Variants in SHANK1 observed in about 807,000 individuals in gnomAD.
SHANK1 encodes the protein SH3 and multiple ankyrin repeat domains 1.
SHANK1 carries 35 observed loss-of-function variants against 165.6 expected under a neutral mutation model. The observed-to-expected ratio is 0.21, with a 90% CI of 0.16 to 0.28. The LOEUF (loss-of-function observed/expected upper bound fraction) is 0.28, where lower values mean the gene tolerates loss of function less well. Among genes scored for constraint, SHANK1 ranks in the 10% least tolerant of loss-of-function variants. SHANK1 has a pLI of 1.00. For synonymous variants in SHANK1, 1,428 were observed against 1,384.8 expected (o/e 1.03, Z -0.69); for missense variants, 2,681 against 3,036.4 (o/e 0.88, Z 2.75).
rs1985258952 is a variant in SHANK1 at position 50,662,166 on chromosome 19, C to T, written c.6285G>A (p.Leu2095=). 2 of 1,612,360 alleles carry T rather than the reference C, an allele frequency of 1.2e-6. No homozygotes were observed. Residue 2095 remains leucine, a synonymous_variant, in exon 24 of 24, where the codon CTG becomes CTA. Transcript: ENST00000293441. The surrounding 1 kb of genome is among the most constrained non-coding windows in gnomAD (Gnocchi z 7.7). The stretch of plus-strand genomic sequence containing the variant: ...CCACGTCGAACTTGGTCCAGAACCC[C>T]AGAGGTTTAGCGCCAAACGGCTTGT... ...PPDKPFGAKP[L]GFWTKFDVAD... is the part of the protein sequence containing the mutation.
chr19:50,712,122 C>T lies in SHANK1; in HGVS notation c.793-8G>A, dbSNP rs116024680. On this transcript the variant is annotated splice_polypyrimidine_tract_variant and splice_region_variant and intron_variant, in intron 6 of 23. Coordinates refer to ENST00000293441, the MANE Select transcript of SHANK1 (RefSeq NM_016148.5). ...CCCAAGGTCCAGGAGCGCCTAGGAA[C>T]GGAGAGAGAACCCAGTAGAAAAACA... is the stretch of plus-strand genomic sequence containing the variant. 2.9e-3 allele frequency: 4,535 copies of T among 1,571,668 alleles called. 112 individuals are homozygous for T. In the African/African-American group the frequency reaches 0.051, roughly 18 times the overall value.
intron 18 of SHANK1, 108 bp from the exon 19 acceptor site, chr19:50,687,770 G>A (rs963299096): frequency 5.2e-5 from 71 of 1,358,716 alleles, no homozygotes; most frequent in Admixed American, 1.8e-4. Flanking sequence ...GCCAGCGTGC[G>A]GAGCCCTCCC....
rs1195660197 is a variant in SHANK1 at position 50,702,625 on chromosome 19, C to T, written c.1589G>A (p.Gly530Asp). The stretch of plus-strand genomic sequence containing the variant: ...CCCGGGGCCCCCTGAGCCCCCCGTG[C>T]CCCCGGCTGGCCCTTCCCGGGGTGT... ...SGTPREGPAG[G>D]TGGSGGPGGS... Residue 530 changes from glycine (G) to aspartate (D), a missense_variant, in exon 12 of 24, where the codon GGC becomes GAC. Transcript: ENST00000293441. The surrounding 1 kb of genome is among the most constrained non-coding windows in gnomAD (Gnocchi z 5.3). The T allele has an allele frequency of 9.5e-6, 15 of 1,584,344 alleles. No individual in the cohort carries two copies. The highest frequency in any genetic ancestry group is 1.3e-5 in the African/African-American group (1 of 74,326).
In SHANK1 at chr19:50,669,029, G is replaced by A; in HGVS notation, c.2931C>T (p.Asp977=). ...PASFDGPSPP[D]TRVGSREKSL... is the part of the protein sequence containing the mutation. ...TCTTCTCGCGGCTCCCCACGCGAGT[G>A]TCGGGAGGGGAGGGCCCGTCAAAGG... The change falls in exon 23 of 24, where the codon GAC becomes GAT. Residue 977 remains aspartate (D), a synonymous_variant. Transcript: ENST00000293441. 1 of 858,592 alleles carries A rather than the reference G, an allele frequency of 1.2e-6. No homozygotes were observed. The highest frequency in any genetic ancestry group is 1.8e-5 in the South Asian group (1 of 56,652). The allele number at this position is 858,592 out of a possible 1,614,324, so 53.2% of individuals were successfully genotyped here. A position where few individuals can be genotyped will look rare whatever the true frequency, so the allele number is the denominator to read the frequency against.
chr19:50,663,340 G>A (rs73042563), intron 23 of SHANK1, among the ~76,000 whole-genome samples: 39 of 152,064 alleles, frequency 2.6e-4, no homozygotes, highest in Non-Finnish European at 3.8e-4. Context: ...GGGAGAAAAA[G>A]GTTCCCCTCA....
rs543298676 is a variant in SHANK1 at position 50,716,606 on chromosome 19, C to T, written c.255+59G>A. The T allele has an allele frequency of 2.6e-5, 41 of 1,553,382 alleles. No homozygotes were observed. In the East Asian group the frequency reaches 7.7e-4, roughly 29 times the overall value. The stretch of plus-strand genomic sequence containing the variant: ...GGAGGATACCCAGCACCAGTGGACT[C>T]CCCATGTCGGTTGGGGCACTGTCCC... On this transcript the variant is annotated intron_variant, in intron 2 of 23. Coordinates refer to ENST00000293441, the MANE Select transcript of SHANK1 (RefSeq NM_016148.5). This position sits in a 1 kb window ranked among gnomAD's most constrained non-coding sequence, Gnocchi z 8.4.
At position 50,661,736 on chromosome 19, in the gene SHANK1, G is replaced by C; in HGVS notation, c.*229C>G. 270 of 373,790 alleles carry C rather than the reference G, an allele frequency of 7.2e-4. No homozygotes were observed. Among genetic ancestry groups the C allele is most frequent in the South Asian group, 2.7e-3 (65 of 23,914 alleles). 23.2% of individuals were successfully genotyped at this position (373,790 alleles called of 1,614,324 possible). Reference sequence around the variant, plus strand: ...TTCTCCTATCCCCCCTCCGCTCCCCGCTTCACACACACACACACACTCTTG... The same window carrying C: ...TTCTCCTATCCCCCCTCCGCTCCCCCCTTCACACACACACACACACTCTTG... On this transcript the variant is annotated 3_prime_UTR_variant, in exon 24 of 24. Coordinates refer to ENST00000293441, the MANE Select transcript of SHANK1 (RefSeq NM_016148.5).
rs554790979 is a variant in SHANK1 at position 50,686,848 on chromosome 19, C to T, written c.2390-36G>A. 297 of 1,611,310 alleles carry T rather than the reference C, an allele frequency of 1.8e-4. 4 individuals are homozygous for T. The South Asian group carries it at 2.9e-3, about 16-fold the overall frequency. ...AGAACACGGATGACGCCCAGGGAGC[C>T]CCCGGGGGCGGGGCGGAGCGGGCTC... On this transcript the variant is annotated intron_variant, in intron 19 of 23. Coordinates refer to ENST00000293441, the MANE Select transcript of SHANK1 (RefSeq NM_016148.5). The surrounding 1 kb of genome is among the most constrained non-coding windows in gnomAD (Gnocchi z 5.7).
intron 21 of SHANK1, among the ~76,000 whole-genome samples, chr19:50,672,908 C>G (rs1272249547): frequency 1.3e-5 from 2 of 152,186 alleles, no homozygotes; most frequent in African/African-American, 2.4e-5. Context: ...ACTCCCAACT[C>G]TGGTCTACAA....
intron 22 of SHANK1, 39 bp from the exon 23 acceptor site, chr19:50,669,324 G>T (rs768392485): frequency 1.4e-5 from 19 of 1,392,046 alleles, no homozygotes; most frequent in Non-Finnish European, 1.8e-5. Flanking sequence ...GGACCCTGGC[G>T]GGGAGGGTCT....
Position 50,688,904 on chromosome 19 carries a change from C to T in SHANK1, c.2112G>A (p.Ser704=), listed in dbSNP as rs144053654. 68 of 1,583,098 alleles carry T rather than the reference C, an allele frequency of 4.3e-5. 1 individual carries two copies. The East Asian group carries it at 5.6e-4, about 13-fold the overall frequency. The part of the protein sequence containing the change: ...PAFPALQYLE[S]VDEGGVAWRA... The stretch of plus-strand genomic sequence containing the variant: ...GCCATGCCACGCCACCCTCGTCCAC[C>T]GACTCCAGGTACTGCAGCGCCGGGA... The change falls in exon 17 of 24, where the codon TCG becomes TCA. Residue 704 remains serine, a synonymous_variant. Transcript: ENST00000293441. The surrounding 1 kb of genome is among the most constrained non-coding windows in gnomAD (Gnocchi z 6.7).
intron 21 of SHANK1, among the ~76,000 whole-genome samples, chr19:50,677,002 T>C (rs1986004421): frequency 6.6e-6 from 1 of 152,148 alleles, no homozygotes; most frequent in Admixed American, 6.5e-5. Flanking sequence ...CCAGCAGCAA[T>C]TTTGGACTAT....
In SHANK1 at chr19:50,668,905, G is replaced by A. The variant is rs1365800626; in HGVS notation, c.3055C>T (p.His1019Tyr). The A allele has an allele frequency of 3.1e-6, 4 of 1,293,410 alleles. No homozygotes were observed. The African/African-American group carries it at 4.9e-5, about 16-fold the overall frequency. 80.1% of individuals were successfully genotyped at this position (1,293,410 alleles called of 1,614,324 possible). Residue 1019 changes from histidine (H) to tyrosine (Y), a missense_variant, in exon 23 of 24, where the codon CAC (histidine) becomes TAC (tyrosine). By Grantham distance (83) the His-to-Tyr change is moderately conservative. Around this residue, in one of 10 missense-constraint regions of SHANK1, gnomAD observed 1,713 missense variants for 1,630.2 expected, o/e 1.05. Transcript: ENST00000293441. ...PPPQPHHHHA[H>Y]PPHPPEMETG... The stretch of plus-strand genomic sequence containing the variant: ...TCCATCTCGGGAGGATGAGGGGGGT[G>A]GGCGTGGTGGTGGTGGGGCTGAGGG...
intron 15 of SHANK1, among the ~76,000 whole-genome samples, chr19:50,689,758 CA>C (rs1287401814): frequency 2.0e-5 from 3 of 152,160 alleles, no homozygotes; most frequent in African/African-American, 7.2e-5. Flanking sequence ...TAGTATTTCG[CA>C]CAGTGCCTGG....
intron 4 of SHANK1, among the ~76,000 whole-genome samples, chr19:50,715,186 G>A (rs1390245627): frequency 6.6e-6 from 1 of 152,080 alleles, no homozygotes; most frequent in Admixed American, 6.6e-5. Context: ...GTACCAGGAG[G>A]ACAGATATGG....
chr19:50,689,373 CCAAA>C, intron 15 of SHANK1, 94 bp from the exon 16 acceptor site: 1 of 891,528 alleles, frequency 1.1e-6, no homozygotes, highest in Non-Finnish European at 1.9e-6. Flanking sequence ...CAACCCAGAC[CCAAA>C]CCTCTGCTCC....
Position 50,662,794 on chromosome 19 carries a change from G to A in SHANK1, c.5769-112C>T. The stretch of plus-strand genomic sequence containing the variant: ...GGGAGAGAGGAGGAGAGACATAAGG[G>A]TAGGGGGAGAGACGGAGGAGAGACG... On this transcript the variant is annotated intron_variant, in intron 23 of 23. Transcript: ENST00000293441. This position sits in a 1 kb window ranked among gnomAD's most constrained non-coding sequence, Gnocchi z 7.7. 1.8e-6 allele frequency: 2 copies of A among 1,121,822 alleles called. No individual in the cohort carries two copies. The highest frequency in any genetic ancestry group is 1.6e-5 in the African/African-American group (1 of 60,848). 69.5% of individuals were successfully genotyped at this position (1,121,822 alleles called of 1,614,324 possible). A position where few individuals can be genotyped will look rare whatever the true frequency, so the allele number is the denominator to read the frequency against.
chr19:50,669,908 G>A (rs1043157020), intron 22 of SHANK1, among the ~76,000 whole-genome samples: 7 of 152,138 alleles, frequency 4.6e-5, no homozygotes, highest in Non-Finnish European at 1.0e-4. Flanking sequence ...AACTCCAGGA[G>A]GCGTGCAGGA....
rs1252329211 is a variant in SHANK1, at chr19:50,672,633, AG to A, written c.2578-520del. 4.0e-5 allele frequency among the ~76,000 whole-genome samples: 6 copies of A among 151,340 alleles called. No homozygotes were observed. In the East Asian group the frequency reaches 1.2e-3, roughly 29 times the overall value. On this transcript the variant is annotated intron_variant, in intron 21 of 23. Transcript: ENST00000293441. ...GGAATGAAAAGCCTCAAGTCTGGGC[AG>A]GAAGGAGAAAGAAAGGAGAAGAAAG...
Sources: gnomAD v4.1 joint callset for allele counts (sites outside exome capture counted in the v4.1 genomes callset) on GRCh38, gnomAD v4.1.1 for gene constraint, gnomAD v4.1.1 regional missense constraint, Gnocchi (gnomAD v3.1) non-coding constraint, MANE v1.5 for transcripts, NCBI Gene and HGNC (gene_info 2026-07-23, HGNC 2026-07-21) for gene names.